Variants in SEC14L1 observed in about 807,000 individuals in gnomAD.
The protein encoded by SEC14L1 is SEC14 like lipid binding 1.
A neutral mutation model predicts 85.3 loss-of-function variants in SEC14L1; 48 were observed. The ratio of observed to expected loss-of-function variants is 0.56; its 90% CI spans 0.45 to 0.72. The LOEUF (loss-of-function observed/expected upper bound fraction) is 0.72, where lower values mean the gene tolerates loss of function less well. Ranked by LOEUF, SEC14L1 falls within the 30% of genes least tolerant of loss-of-function variation. The pLI is 0.00. For synonymous variants in SEC14L1, 391 were observed against 355.5 expected (o/e 1.10, Z -1.12); for missense variants, 682 against 921.4 (o/e 0.74, Z 3.36).
intron 3 of SEC14L1, among the ~76,000 whole-genome samples, chr17:77,156,172 C>G (rs1973809003): frequency 1.3e-5 from 2 of 152,296 alleles, no homozygotes; most frequent in African/African-American, 2.4e-5. Flanking sequence ...TGTGCACTGG[C>G]AGCCGCTGTA....
At chr17:77,194,418 G>C (rs1167426528) in intron 6 of SEC14L1, among the ~76,000 whole-genome samples, 3 of 152,000 alleles carry the variant, frequency 2.0e-5, no homozygotes, top group Non-Finnish European at 4.4e-5. Flanking sequence ...AGCCGGATGA[G>C]GTGGCATATA....
At position 77,194,970 on chromosome 17, in the gene SEC14L1, T is replaced by C. The variant is rs530862201; in HGVS notation, c.709+59T>C. 39 of 1,262,014 alleles carry C rather than the reference T, an allele frequency of 3.1e-5. No individual in the cohort carries two copies. In the South Asian group the frequency reaches 4.7e-4, roughly 15 times the overall value. The allele number at this position is 1,262,014 out of a possible 1,614,324, so 78.2% of individuals were successfully genotyped here. ...GGCTAGGGAAGTCGGCGTTGCCGTTTTCTCTCTGTTTGCTCTGCCTGTTCC... is the reference window on the plus strand; with the variant it reads ...GGCTAGGGAAGTCGGCGTTGCCGTTCTCTCTCTGTTTGCTCTGCCTGTTCC... On this transcript the variant is annotated intron_variant, in intron 7 of 16. Coordinates refer to ENST00000436233, the MANE Select transcript of SEC14L1 (RefSeq NM_001143998.2).
chr17:77,207,075 A>T (rs551439931), intron 13 of SEC14L1, among the ~76,000 whole-genome samples: 1 of 152,358 alleles, frequency 6.6e-6, no homozygotes, highest in South Asian at 2.1e-4. Flanking sequence ...ATTGTTAAAT[A>T]CGAATGAGAA....
chr17:77,133,736 C>T (rs962192962), intron 3 of SEC14L1, among the ~76,000 whole-genome samples: 4 of 151,834 alleles, frequency 2.6e-5, no homozygotes, highest in Admixed American at 6.6e-5. Flanking sequence ...GTCAGGAGTT[C>T]GAGACCAGCC....
At chr17:77,168,141 TC>T (rs750050931) in intron 3 of SEC14L1, among the ~76,000 whole-genome samples, 19 of 152,216 alleles carry the variant, frequency 1.2e-4, no homozygotes, top group Non-Finnish European at 2.6e-4. Flanking sequence ...ACGGGGCATG[TC>T]GGGCCACAAG....
intron 3 of SEC14L1, among the ~76,000 whole-genome samples, chr17:77,128,449 T>C (rs1972517978): frequency 7.2e-6 from 1 of 138,110 alleles, no homozygotes; most frequent in African/African-American, 2.8e-5. Context: ...TATTTTATTT[T>C]ATTTTATTAT....
chr17:77,176,147 G>A (rs1221232798), intron 3 of SEC14L1, among the ~76,000 whole-genome samples: 1 of 152,144 alleles, frequency 6.6e-6, no homozygotes, highest in African/African-American at 2.4e-5. Flanking sequence ...AAAATTAGCT[G>A]AGCGTGGTGC....
chr17:77,148,194 C>T (rs1973399110), intron 3 of SEC14L1, among the ~76,000 whole-genome samples: 1 of 152,104 alleles, frequency 6.6e-6, no homozygotes, highest in Non-Finnish European at 1.5e-5. Flanking sequence ...AGGCGGGAGG[C>T]CACCTAGTGT....
chr17:77,165,668 A>AT (rs1030928981), intron 3 of SEC14L1, among the ~76,000 whole-genome samples: 22 of 151,756 alleles, frequency 1.4e-4, no homozygotes, highest in Non-Finnish European at 7.4e-5. Flanking sequence ...AAGTATGATC[A>AT]TTTTTTTTGC....
intron 3 of SEC14L1, among the ~76,000 whole-genome samples, chr17:77,182,469 C>T (rs960174397): frequency 6.6e-6 from 1 of 151,910 alleles, no homozygotes; most frequent in Non-Finnish European, 1.5e-5. Context: ...TTGATGAGGC[C>T]CTAGTTTTGT....
At chr17:77,185,239 C>T in intron 3 of SEC14L1, 1 of 985,466 alleles carries the variant, frequency 1.0e-6, no homozygotes, top group Non-Finnish European at 1.2e-6. Context: ...GAGTGACAGG[C>T]TTGGAAGAGA....
rs571926425 is a variant in SEC14L1 at position 77,147,984 on chromosome 17, C to T, written c.63+4325C>T. 2.0e-3 allele frequency among the ~76,000 whole-genome samples: 300 copies of T among 152,196 alleles called. 2 individuals carry two copies. The highest frequency in any genetic ancestry group is 5.6e-3 in the African/African-American group (233 of 41,526). On this transcript the variant is annotated intron_variant, in intron 3 of 16. Coordinates refer to ENST00000436233, the MANE Select transcript of SEC14L1 (RefSeq NM_001143998.2). ...GTGCCTTAAAGGGTTTAAGATCTCA[C>T]GGGAGCATAGTGATATGATCCCACA...
intron 3 of SEC14L1, among the ~76,000 whole-genome samples, chr17:77,156,001 C>T (rs1973800589): frequency 6.6e-6 from 1 of 152,210 alleles, no homozygotes; most frequent in Admixed American, 6.5e-5. Flanking sequence ...ACCCACTGCA[C>T]AGTCTAATTA....
At chr17:77,131,286 T>G (rs935642867) in intron 3 of SEC14L1, among the ~76,000 whole-genome samples, 1 of 152,196 alleles carries the variant, frequency 6.6e-6, no homozygotes, top group African/African-American at 2.4e-5. Context: ...TCTCTTTTTT[T>G]GAGATGGAGT....
At position 77,161,624 on chromosome 17, in the gene SEC14L1, A is replaced by G. The variant is rs73998632; in HGVS notation, c.63+17965A>G. ...TCTCTTTTAAAAGGAGGGTTTGTAC[A>G]TGACTCAGGCTTCATGAAGGATTTC... is the stretch of plus-strand genomic sequence containing the variant. On this transcript the variant is annotated intron_variant, in intron 3 of 16. Coordinates refer to ENST00000436233, the MANE Select transcript of SEC14L1 (RefSeq NM_001143998.2). Among the ~76,000 whole-genome samples, 587 of 152,052 alleles carry G rather than the reference A, an allele frequency of 3.9e-3. 4 individuals carry two copies. Among genetic ancestry groups the G allele is most frequent in the African/African-American group, 0.014 (566 of 41,488 alleles).
chr17:77,161,867 C>G (rs1598324420), intron 3 of SEC14L1, among the ~76,000 whole-genome samples: 4 of 150,994 alleles, frequency 2.6e-5, no homozygotes, highest in Admixed American at 6.6e-5. Context: ...CTCCCCTCCC[C>G]TCCCCTCCCT....
chr17:77,187,350 C>G (rs1313039157), intron 3 of SEC14L1, among the ~76,000 whole-genome samples: 1 of 151,812 alleles, frequency 6.6e-6, no homozygotes, highest in East Asian at 1.9e-4. Flanking sequence ...TTCTTACAGC[C>G]TAGATTCTTA....
chr17:77,191,069 G>C (rs929903391), intron 4 of SEC14L1, 112 bp from the exon 5 acceptor site: 17 of 1,519,266 alleles, frequency 1.1e-5, no homozygotes, highest in Non-Finnish European at 1.5e-5. Context: ...GCGTCCTGGA[G>C]GGAGAGGGCG....
At chr17:77,210,409 G>A (rs1976686499) in intron 14 of SEC14L1, 1 of 152,718 alleles carries the variant, frequency 6.5e-6, no homozygotes, top group Non-Finnish European at 1.5e-5. Context: ...TTGTTGGAGA[G>A]GATGGTGGCA....
Sources: allele counts gnomAD v4.1 joint callset (sites outside exome capture counted in the v4.1 genomes callset), GRCh38; gene constraint gnomAD v4.1.1; transcripts MANE v1.5; gene names NCBI Gene and HGNC (gene_info 2026-07-23, HGNC 2026-07-21).